Variants in NVL observed in about 807,000 individuals in gnomAD.
NVL encodes nuclear valosin-containing protein-like.
A neutral mutation model predicts 110.2 loss-of-function variants in NVL; 84 were observed. The ratio of observed to expected loss-of-function variants is 0.76; its 90% CI spans 0.64 to 0.91. The LOEUF is 0.91. Among genes scored for constraint, NVL ranks in the 40% least tolerant of loss-of-function variants. NVL has a pLI of 0.00. For missense variants in NVL, 882 were observed against 1,035.9 expected, an observed-to-expected ratio of 0.85 and a Z score of 2.04; for synonymous variants, 354 against 361.1, an observed-to-expected ratio of 0.98 and a Z score of 0.22.
chr1:224,281,445 C>T (rs1474877530), intron 15 of NVL, among the ~76,000 whole-genome samples: 6 of 151,680 alleles, frequency 4.0e-5, no homozygotes, highest in South Asian at 2.1e-4. Flanking sequence ...GGACTACAGG[C>T]GCCCGCCACC....
intron 9 of NVL, among the ~76,000 whole-genome samples, 186 bp from the exon 10 acceptor site, chr1:224,300,849 A>G (rs1335869457): frequency 2.6e-5 from 4 of 152,160 alleles, no homozygotes; most frequent in Non-Finnish European, 5.9e-5. Context: ...TCAGGCCTAT[A>G]ATCCCACTAC....
chr1:224,322,515 C>T (rs1259507886), intron 2 of NVL, among the ~76,000 whole-genome samples: 1 of 152,078 alleles, frequency 6.6e-6, no homozygotes, highest in East Asian at 1.9e-4. Context: ...CTTCCTAATA[C>T]AGATTTTGGT....
chr1:224,254,390 AT>A (rs36065511), intron 18 of NVL, among the ~76,000 whole-genome samples: 68,840 of 84,068 alleles, frequency 0.82, 28,490 homozygotes, highest in Admixed American at 0.89. Flanking sequence ...AGTGCCTGGC[AT>A]TTTTTTTTTT....
At chr1:224,287,723 C>T in intron 14 of NVL, 52 bp downstream of exon 14, 1 of 1,483,660 alleles carries the variant, frequency 6.7e-7, no homozygotes, top group Middle Eastern at 1.9e-4. Context: ...AGCTTTATCT[C>T]TGGTCTTTAA....
chr1:224,233,792 C>CG (rs1273261549), intron 20 of NVL, among the ~76,000 whole-genome samples: 3 of 151,818 alleles, frequency 2.0e-5, no homozygotes, highest in African/African-American at 7.3e-5. Flanking sequence ...AAACTAAACT[C>CG]AAGAAGAAAG....
At chr1:224,279,162 G>GA (rs921378601) in intron 16 of NVL, among the ~76,000 whole-genome samples, 1 of 151,310 alleles carries the variant, frequency 6.6e-6, no homozygotes, top group Admixed American at 6.6e-5. Flanking sequence ...AAATTCATCA[G>GA]AAAAAAAACT....
intron 19 of NVL, among the ~76,000 whole-genome samples, chr1:224,246,969 G>C (rs1487160801): frequency 6.6e-6 from 1 of 151,660 alleles, no homozygotes; most frequent in African/African-American, 2.4e-5. Flanking sequence ...TTGAACCCAG[G>C]AGGTGGAGGT....
In NVL at chr1:224,296,504, C is replaced by T. The variant is rs776520900; in HGVS notation, c.1177G>A (p.Asp393Asn). 1 of 1,524,734 alleles carries T rather than the reference C, an allele frequency of 6.6e-7. No individual in the cohort carries two copies. Among genetic ancestry groups the T allele is most frequent in the South Asian group, 1.2e-5 (1 of 80,304 alleles). The allele number at this position is 1,524,734 out of a possible 1,614,324, so 94.5% of individuals were successfully genotyped here. Reference protein sequence around the residue: ...RIVAQLLTCMDDLNNVAATAR... With the variant: ...RIVAQLLTCMNDLNNVAATAR... The stretch of plus-strand genomic sequence containing the variant: ...GAATTTATTATTTTAAACTAACCAT[C>T]CATGCAGGTTAGGAGTTGGGCTACA... Residue 393 changes from aspartate to asparagine, a missense_variant, in exon 11 of 23, where the codon GAT becomes AAT. Transcript: ENST00000281701.
chr1:224,266,531 A>G (rs1305105895), intron 18 of NVL, among the ~76,000 whole-genome samples: 12 of 152,194 alleles, frequency 7.9e-5, no homozygotes. Flanking sequence ...CAGGCCACTC[A>G]GCCTTGACCT....
At chr1:224,307,698 C>CAAAAAAA (rs11366790) in intron 6 of NVL, among the ~76,000 whole-genome samples, 4 of 67,490 alleles carry the variant, frequency 5.9e-5, no homozygotes, top group East Asian at 5.0e-4. Flanking sequence ...GACCCAGTCT[C>CAAAAAAA]AAAAAAAAAA....
Position 224,286,061 on chromosome 1 carries a change from C to G in NVL, c.1864G>C (p.Gly622Arg). ...LVTPAGVLLA[G>R]PPGCGKTLLA... is the part of the protein sequence containing the mutation. The stretch of plus-strand genomic sequence containing the variant: ...AGAGTCTTCCCACAGCCAGGAGGAC[C>G]AGCAAGGAGGACCCCAGCTGGAGTC... Residue 622 changes from glycine to arginine, a missense_variant, in exon 15 of 23, where the codon GGT becomes CGT. Gly to Arg is a moderately radical substitution (Grantham distance 125). Transcript: ENST00000281701. 1 of 1,614,026 alleles carries G rather than the reference C, an allele frequency of 6.2e-7. No individual in the cohort carries two copies.
At chr1:224,253,254 C>A (rs1233426012) in intron 18 of NVL, among the ~76,000 whole-genome samples, 1 of 151,150 alleles carries the variant, frequency 6.6e-6, no homozygotes, top group Admixed American at 6.6e-5. Flanking sequence ...GTTTCACCAT[C>A]TTGGCCAGGC....
chr1:224,314,510 T>C (rs941829584), intron 4 of NVL, among the ~76,000 whole-genome samples: 7 of 152,152 alleles, frequency 4.6e-5, no homozygotes, highest in African/African-American at 1.7e-4. Flanking sequence ...TTTATCACAA[T>C]TGACATAAGG....
At position 224,288,577 on chromosome 1, in the gene NVL, GTT is replaced by G. The variant is rs1297360643; in HGVS notation, c.1576-586_1576-585del. On this transcript the variant is annotated intron_variant, in intron 13 of 22. Transcript: ENST00000281701. ...ATATGCAATATTATAAAAGGAATGA[GTT>G]TGTTATTTTTTACAGAATTAATTGC... 8.5e-5 allele frequency among the ~76,000 whole-genome samples: 13 copies of G among 152,122 alleles called. 1 individual carries two copies.
At chr1:224,305,010 C>A in intron 7 of NVL, 24 bp downstream of exon 7, 1 of 1,609,424 alleles carries the variant, frequency 6.2e-7, no homozygotes, top group East Asian at 2.2e-5. Flanking sequence ...ATGACCACTG[C>A]CACCAACAAG....
intron 2 of NVL, among the ~76,000 whole-genome samples, chr1:224,319,463 A>T (rs1273103016): frequency 6.6e-6 from 1 of 151,804 alleles, no homozygotes; most frequent in African/African-American, 2.4e-5. Context: ...GCCTGCCACC[A>T]CACCCGGCTA....
chr1:224,250,857 A>G (rs1388871028), intron 18 of NVL, among the ~76,000 whole-genome samples: 1 of 152,124 alleles, frequency 6.6e-6, no homozygotes, highest in Non-Finnish European at 1.5e-5. Context: ...GGATTTCGCT[A>G]TGTTGCCCAG....
intron 1 of NVL, 86 bp downstream of exon 1, chr1:224,329,985 C>T: frequency 7.4e-7 from 1 of 1,348,928 alleles, no homozygotes; most frequent in Non-Finnish European, 1.1e-6. Context: ...TTGAGTTCCA[C>T]CTGGATGCCA....
rs376080780 is a variant in NVL at position 224,236,593 on chromosome 1, G to C, written c.2290-11C>G. ...TGGTTTGGTACCATTCTAAGTAAGA[G>C]AGAAAAATGATTTTTCATTGGAGCT... On this transcript the variant is annotated splice_polypyrimidine_tract_variant and intron_variant, in intron 19 of 22. Coordinates refer to ENST00000281701, the MANE Select transcript of NVL (RefSeq NM_002533.4). 1.2e-6 allele frequency: 2 copies of C among 1,607,788 alleles called. No individual in the cohort carries two copies. Among genetic ancestry groups the C allele is most frequent in the Non-Finnish European group, 1.7e-6 (2 of 1,174,412 alleles).
Sources: gnomAD v4.1 joint callset for allele counts (sites outside exome capture counted in the v4.1 genomes callset) on GRCh38, gnomAD v4.1.1 for gene constraint, MANE v1.5 for transcripts, NCBI Gene and HGNC (gene_info 2026-07-23, HGNC 2026-07-21) for gene names.